NLN: variants seen among roughly 807,000 people sequenced by gnomAD.
NLN encodes the protein neurolysin, mitochondrial.
Under a neutral mutation model 79.9 loss-of-function variants are expected in NLN, and 64 were observed. That is an observed-to-expected ratio of 0.80 (90% CI 0.65 to 0.99). The LOEUF (loss-of-function observed/expected upper bound fraction) is 0.99. Ranked by LOEUF, NLN falls within the 50% of genes least tolerant of loss-of-function variation. The probability of loss-of-function intolerance (pLI) is 0.00; values close to 1 mark genes in which losing one functional copy is unlikely to be tolerated. For synonymous variants in NLN, 267 were observed against 296.6 expected (o/e 0.90, Z 1.02); for missense variants, 835 against 858.7 (o/e 0.97, Z 0.34).
At chr5:65,819,196 T>C (rs573173507) in intron 12 of NLN, among the ~76,000 whole-genome samples, 1 of 152,326 alleles carries the variant, frequency 6.6e-6, no homozygotes, top group East Asian at 1.9e-4. Flanking sequence ...GGAATGCATT[T>C]GTTTCCCTGA....
chr5:65,759,155 A>G (rs1759285805), intron 2 of NLN, among the ~76,000 whole-genome samples: 1 of 152,156 alleles, frequency 6.6e-6, no homozygotes, highest in Non-Finnish European at 1.5e-5. Flanking sequence ...ATTTATGTAT[A>G]AATAGGTATT....
intron 3 of NLN, among the ~76,000 whole-genome samples, chr5:65,774,737 T>A (rs1024558503): frequency 8.8e-5 from 11 of 124,842 alleles, no homozygotes; most frequent in Non-Finnish European, 1.3e-4. Context: ...ATATTTTTTT[T>A]TTTTTTTGAG....
In NLN at chr5:65,826,653, C is replaced by T. The variant is rs898170415; in HGVS notation, c.*3738C>T. 1.3e-5 allele frequency: 2 copies of T among 152,204 alleles called. No individual in the cohort carries two copies. Among genetic ancestry groups the T allele is most frequent in the African/African-American group, 2.4e-5 (1 of 41,452 alleles). 9.4% of individuals were successfully genotyped at this position (152,204 alleles called of 1,614,324 possible). A position where few individuals can be genotyped will look rare whatever the true frequency, so the allele number is the denominator to read the frequency against. ...AATGTGGTGGCTCACACCTGTAATC[C>T]TAACACTTTGGAAGGTTGAGGCAGG... is the stretch of plus-strand genomic sequence containing the variant. On this transcript the variant is annotated 3_prime_UTR_variant, in exon 13 of 13. Coordinates refer to ENST00000380985, the MANE Select transcript of NLN (RefSeq NM_020726.5).
intron 11 of NLN, among the ~76,000 whole-genome samples, chr5:65,811,112 TG>T (rs1446258256): frequency 1.3e-5 from 2 of 152,244 alleles, no homozygotes; most frequent in Non-Finnish European, 2.9e-5. Context: ...TGTTTATATT[TG>T]TATGTGTATG....
Position 65,788,244 on chromosome 5 carries a change from A to G in NLN, c.1085A>G (p.Tyr362Cys). The change falls in exon 8 of 13, where the codon TAT (tyrosine) becomes TGT (cysteine). Residue 362 changes from tyrosine (Y) to cysteine (C), a missense_variant. Physicochemically the swap from Tyr to Cys is radical, Grantham distance 194. Transcript: ENST00000380985. ...YDGKINAWDL[Y>C]YYMTQTEELK... is the part of the protein sequence containing the mutation. Reference sequence around the variant, plus strand: ...GGGAAAATCAATGCCTGGGATCTATATTACTACATGACTCAGACAGAGGAA... The same window carrying G: ...GGGAAAATCAATGCCTGGGATCTATGTTACTACATGACTCAGACAGAGGAA... 1.9e-6 allele frequency: 3 copies of G among 1,614,214 alleles called. No homozygotes were observed. The highest frequency in any genetic ancestry group is 2.5e-6 in the Non-Finnish European group (3 of 1,180,018).
At chr5:65,784,411 A>C (rs1047715394) in intron 6 of NLN, among the ~76,000 whole-genome samples, 4 of 152,334 alleles carry the variant, frequency 2.6e-5, no homozygotes, top group African/African-American at 9.6e-5. Flanking sequence ...TGCTGCTATA[A>C]CAAAATACCA....
intron 1 of NLN, among the ~76,000 whole-genome samples, chr5:65,751,212 A>T (rs1223239520): frequency 6.6e-6 from 1 of 152,248 alleles, no homozygotes; most frequent in Non-Finnish European, 1.5e-5. Context: ...AGTACAACAC[A>T]GTGACATGGT....
intron 1 of NLN, among the ~76,000 whole-genome samples, chr5:65,737,374 CT>C (rs1477339612): frequency 2.6e-5 from 4 of 152,176 alleles, no homozygotes; most frequent in African/African-American, 7.2e-5. Flanking sequence ...TTCTTTCCCC[CT>C]GAATCCTGTA....
intron 1 of NLN, among the ~76,000 whole-genome samples, chr5:65,754,237 C>T (rs1759168197): frequency 1.3e-5 from 2 of 152,154 alleles, no homozygotes; most frequent in South Asian, 4.1e-4. Flanking sequence ...GGTTTCCTTC[C>T]TTTATTCTGC....
Position 65,824,659 on chromosome 5 carries a change from C to T in NLN, c.*1744C>T, listed in dbSNP as rs535840564. On this transcript the variant is annotated 3_prime_UTR_variant, in exon 13 of 13. Transcript: ENST00000380985. Reference sequence around the variant, plus strand: ...TAAATTGGTGTGGAAAGGCTGCACACAATAAAGTTATATTATTATCCATGA... The same window carrying T: ...TAAATTGGTGTGGAAAGGCTGCACATAATAAAGTTATATTATTATCCATGA... 6.6e-6 allele frequency: 1 copy of T among 152,200 alleles called. No individual in the cohort carries two copies. The highest frequency in any genetic ancestry group is 1.5e-5 in the Non-Finnish European group (1 of 68,040). 9.4% of individuals were successfully genotyped at this position (152,200 alleles called of 1,614,324 possible).
chr5:65,798,172 G>A (rs1280364088), intron 9 of NLN, among the ~76,000 whole-genome samples: 1 of 152,192 alleles, frequency 6.6e-6, no homozygotes, highest in African/African-American at 2.4e-5. Context: ...CCAGGTGCCA[G>A]GAAATATACA....
rs536654081 is a variant in NLN at position 65,746,742 on chromosome 5, C to T, written c.42-11825C>T. 1.1e-4 allele frequency among the ~76,000 whole-genome samples: 17 copies of T among 152,284 alleles called. No individual in the cohort carries two copies. The East Asian group carries it at 2.1e-3, about 19-fold the overall frequency. On this transcript the variant is annotated intron_variant, in intron 1 of 12. Transcript: ENST00000380985. Reference sequence around the variant, plus strand: ...TTGCTGAGCCGGGCGCGGTGGCTCACGCCTGTAATCCCAGCACTTTGGGAG... The same window carrying T: ...TTGCTGAGCCGGGCGCGGTGGCTCATGCCTGTAATCCCAGCACTTTGGGAG...
chr5:65,802,021 AG>A (rs1414507414), intron 9 of NLN, among the ~76,000 whole-genome samples: 1 of 152,202 alleles, frequency 6.6e-6, no homozygotes, highest in Non-Finnish European at 1.5e-5. Context: ...ATTTGCTGTT[AG>A]TACCTATTTA....
rs544267790 is a variant in NLN, at chr5:65,828,296, A to C, written c.*5381A>C. ...CAAAAGAATAATCCCCCCGGACTCC[A>C]GTGTAAGATCAATTACTGTTGGAAT... is the stretch of plus-strand genomic sequence containing the variant. On this transcript the variant is annotated 3_prime_UTR_variant, in exon 13 of 13. Transcript: ENST00000380985. 3 of 152,354 alleles carry C rather than the reference A, an allele frequency of 2.0e-5. No homozygotes were observed. The East Asian group carries it at 5.8e-4, about 29-fold the overall frequency. The allele number at this position is 152,354 out of a possible 1,614,324, so 9.4% of individuals were successfully genotyped here. A position where few individuals can be genotyped will look rare whatever the true frequency, so the allele number is the denominator to read the frequency against.
Position 65,822,902 on chromosome 5 carries a change from T to G in NLN, c.2102T>G (p.Leu701Arg). The G allele has an allele frequency of 1.5e-5, 24 of 1,613,694 alleles. No individual in the cohort carries two copies. Among genetic ancestry groups the G allele is most frequent in the Non-Finnish European group, 2.0e-5 (24 of 1,179,674 alleles). Residue 701 changes from leucine (L) to arginine (R), a missense_variant, in exon 13 of 13, where the codon CTG becomes CGG. Coordinates refer to ENST00000380985, the MANE Select transcript of NLN (RefSeq NM_020726.5). ...AAAGCGTTCCTAATGAGTAGAGGCC[T>G]GCATGCTCCGTGAACTGGGGATCTT... Reference protein sequence around the residue: ...NQKAFLMSRGLHAP With the variant: ...NQKAFLMSRGRHAP
intron 1 of NLN, among the ~76,000 whole-genome samples, chr5:65,751,331 G>A (rs1202438944): frequency 6.6e-6 from 1 of 152,190 alleles, no homozygotes; most frequent in Non-Finnish European, 1.5e-5. Flanking sequence ...GTGTTTCCCT[G>A]TATGAATGTT....
intron 12 of NLN, among the ~76,000 whole-genome samples, 171 bp downstream of exon 12, chr5:65,812,562 A>G (rs1426298473): frequency 6.6e-6 from 1 of 152,326 alleles, no homozygotes; most frequent in East Asian, 1.9e-4. Flanking sequence ...GTTGCAGTAT[A>G]CAAGTGATTA....
rs1182739197 is a variant in NLN, at chr5:65,788,315, A to G, written c.1156A>G (p.Ile386Val). ...AGAGTTCCTCAAGGAATACTTCCCA[A>G]TTGAGGTGGTCACTGAAGGCTTGCT... ...DQEFLKEYFP[I>V]EVVTEGLLNT... The change falls in exon 8 of 13, where the codon ATT becomes GTT. Residue 386 changes from isoleucine (I) to valine (V), a missense_variant. Physicochemically the swap from Ile to Val is conservative, Grantham distance 29 (BLOSUM62 3). Coordinates refer to ENST00000380985, the MANE Select transcript of NLN (RefSeq NM_020726.5). 2 of 1,614,084 alleles carry G rather than the reference A, an allele frequency of 1.2e-6. No individual in the cohort carries two copies. The highest frequency in any genetic ancestry group is 1.3e-5 in the African/African-American group (1 of 75,050).
Position 65,823,670 on chromosome 5 carries a change from G to A in NLN, c.*755G>A, listed in dbSNP as rs1218070911. On this transcript the variant is annotated 3_prime_UTR_variant, in exon 13 of 13. Transcript: ENST00000380985. ...CATTTCCACCTCAGCATACAAGATC[G>A]TTAGTCTTTTGGCATGTGTGCCAAT... The A allele has an allele frequency of 6.6e-6, 1 of 151,966 alleles. No individual in the cohort carries two copies. Among genetic ancestry groups the A allele is most frequent in the Non-Finnish European group, 1.5e-5 (1 of 68,012 alleles). The allele number at this position is 151,966 out of a possible 1,614,324, so 9.4% of individuals were successfully genotyped here. A position where few individuals can be genotyped will look rare whatever the true frequency, so the allele number is the denominator to read the frequency against.
Sources: gnomAD v4.1 joint callset for allele counts (sites outside exome capture counted in the v4.1 genomes callset) on GRCh38, gnomAD v4.1.1 for gene constraint, MANE v1.5 for transcripts, NCBI Gene and HGNC (gene_info 2026-07-23, HGNC 2026-07-21) for gene names.